ITGA2B: variants seen among roughly 807,000 people sequenced by gnomAD.
The protein encoded by ITGA2B is integrin alpha-IIb.
Under a neutral mutation model 142.0 loss-of-function variants are expected in ITGA2B, and 91 were observed. That is an observed-to-expected ratio of 0.64 (90% CI 0.54 to 0.76). The LOEUF is 0.76. ITGA2B is among the 30% of genes least tolerant of loss of function. The probability of loss-of-function intolerance (pLI) is 0.00; values close to 1 mark genes in which losing one functional copy is unlikely to be tolerated. For missense variants in ITGA2B, 1,231 were observed against 1,350.8 expected (o/e 0.91, Z 1.39); for synonymous variants, 536 against 567.2 (o/e 0.94, Z 0.78).
rs1439003159 is a variant in ITGA2B at position 44,375,679 on chromosome 17, A to G, written c.2639T>C (p.Ile880Thr). Residue 880 changes from isoleucine to threonine, a missense_variant, in exon 26 of 30, where the codon ATT (isoleucine) becomes ACT (threonine). Around this residue, in one of 3 missense-constraint regions of ITGA2B, gnomAD observed 908 missense variants for 1,021.1 expected, o/e 0.89. Coordinates refer to ENST00000262407, the MANE Select transcript of ITGA2B (RefSeq NM_000419.5). ...ATCCCGCTTGTGATGGGCCGGGTGA[A>G]TGGGGGAGGGGCTGGGGATGGGCAG... ...WGLPIPSPSP[I>T]HPAHHKRDRR... 6.3e-7 allele frequency: 1 copy of G among 1,591,538 alleles called. No individual in the cohort carries two copies. Among genetic ancestry groups the G allele is most frequent in the Admixed American group, 1.7e-5 (1 of 58,052 alleles).
At chr17:44,383,202 A>C (rs2048611450) in intron 12 of ITGA2B, among the ~76,000 whole-genome samples, 1 of 152,042 alleles carries the variant, frequency 6.6e-6, no homozygotes, top group South Asian at 2.1e-4. Flanking sequence ...CCAGTCTCCC[A>C]CCAAGTCCTA....
At position 44,389,389 on chromosome 17, in the gene ITGA2B, C is replaced by G. The variant is rs766193715; in HGVS notation, c.85G>C (p.Ala29Pro). 2 of 1,614,204 alleles carry G rather than the reference C, an allele frequency of 1.2e-6. No individual in the cohort carries two copies. The highest frequency in any genetic ancestry group is 3.3e-5 in the Admixed American group (2 of 60,024). The change falls in exon 1 of 30, where the codon GCC (alanine) becomes CCC (proline). Residue 29 changes from alanine (A) to proline (P), a missense_variant. Coordinates refer to ENST00000262407, the MANE Select transcript of ITGA2B (RefSeq NM_000419.5). ...LLLGPCAAPP[A>P]WALNLDPVQL... Reference sequence around the variant, plus strand: ...ACTGGGTCCAGGTTCAAGGCCCAGGCTGGAGGGGCAGCACAAGGTCCCAAG... The same window carrying G: ...ACTGGGTCCAGGTTCAAGGCCCAGGGTGGAGGGGCAGCACAAGGTCCCAAG...
intron 12 of ITGA2B, among the ~76,000 whole-genome samples, chr17:44,382,538 C>T (rs2143472300): frequency 6.6e-6 from 1 of 151,358 alleles, no homozygotes. Context: ...GAGATGGAGT[C>T]TTGCTCTGTC....
intron 18 of ITGA2B, 97 bp from the exon 19 acceptor site, chr17:44,378,807 A>T: frequency 9.7e-7 from 1 of 1,032,860 alleles, no homozygotes; most frequent in Middle Eastern, 2.0e-4. Flanking sequence ...GGGTTCACAT[A>T]GGGGCTTAGG....
Position 44,389,624 on chromosome 17 carries a change from C to G in ITGA2B, c.-151G>C. On this transcript the variant is annotated 5_prime_UTR_variant, in exon 1 of 30. It removes an upstream start codon present in the reference 5' UTR. Transcript: ENST00000262407. ...AGCAAAGGGCTATAGCCCCTGGACTCATGGTGGCTAGAATTGCCAGGAAGT... is the reference window on the plus strand; with the variant it reads ...AGCAAAGGGCTATAGCCCCTGGACTGATGGTGGCTAGAATTGCCAGGAAGT... 1 of 850,094 alleles carries G rather than the reference C, an allele frequency of 1.2e-6. No homozygotes were observed. Among genetic ancestry groups the G allele is most frequent in the Non-Finnish European group, 1.8e-6 (1 of 548,650 alleles). 52.7% of individuals were successfully genotyped at this position (850,094 alleles called of 1,614,324 possible).
intron 29 of ITGA2B, chr17:44,374,005 A>T: frequency 3.0e-6 from 1 of 330,142 alleles, no homozygotes. Context: ...TCCTGGGTTC[A>T]TGCAATTCTA....
chr17:44,380,865 G>A lies in ITGA2B; in HGVS notation c.1393+14C>T, dbSNP rs774808279. ...CTTTCTTGGGCATTTCTAGCTGGAG[G>A]CAGTCCAGGGCACCTGGGTATCCGT... is the stretch of plus-strand genomic sequence containing the variant. On this transcript the variant is annotated intron_variant, in intron 13 of 29. Coordinates refer to ENST00000262407, the MANE Select transcript of ITGA2B (RefSeq NM_000419.5). The A allele has an allele frequency of 6.2e-7, 1 of 1,614,136 alleles. No homozygotes were observed. Among genetic ancestry groups the A allele is most frequent in the Non-Finnish European group, 8.5e-7 (1 of 1,179,948 alleles).
At chr17:44,383,428 A>G in intron 12 of ITGA2B, 65 bp downstream of exon 12, 4 of 1,493,450 alleles carry the variant, frequency 2.7e-6, no homozygotes, top group Non-Finnish European at 3.6e-6. Flanking sequence ...CCCTCAGGCC[A>G]ACTCCATGCT....
At chr17:44,377,612 C>T in intron 21 of ITGA2B, 86 bp downstream of exon 21, 1 of 972,718 alleles carries the variant, frequency 1.0e-6, no homozygotes, top group Non-Finnish European at 1.6e-6. Context: ...TGGCCCAGAA[C>T]TATGTGGCTC....
rs1184669390 is a variant in ITGA2B, at chr17:44,375,959, C to T, written c.2475G>A (p.Val825=). ...YELHNNGPGT[V]NGLHLSIHLP... is the part of the protein sequence containing the mutation. ...GGTGGATGCTGAGGTGAAGACCATT[C>T]ACAGTCCCAGGGCCATTGTTGTGGA... The change falls in exon 25 of 30, where the codon GTG becomes GTA. Residue 825 remains valine, a synonymous_variant. Transcript: ENST00000262407. 2 of 1,613,970 alleles carry T rather than the reference C, an allele frequency of 1.2e-6. No individual in the cohort carries two copies. Among genetic ancestry groups the T allele is most frequent in the Admixed American group, 3.3e-5 (2 of 59,996 alleles).
intron 12 of ITGA2B, among the ~76,000 whole-genome samples, chr17:44,381,471 A>G (rs1160890632): frequency 6.6e-6 from 1 of 151,820 alleles, no homozygotes; most frequent in African/African-American, 2.4e-5. Context: ...CTGGGATTAC[A>G]GGCGCCTACC....
chr17:44,388,351 CTTTTTT>C (rs35720866), intron 1 of ITGA2B, among the ~76,000 whole-genome samples: 1 of 97,362 alleles, frequency 1.0e-5, no homozygotes, highest in Non-Finnish European at 1.9e-5. Flanking sequence ...CATTTCCTTT[CTTTTTT>C]TTTTTTTTTT....
intron 18 of ITGA2B, among the ~76,000 whole-genome samples, chr17:44,379,246 G>A (rs1263252135): frequency 3.5e-5 from 5 of 141,986 alleles, no homozygotes; most frequent in Non-Finnish European, 6.1e-5. Context: ...GAGCCACTGC[G>A]CCTGGCTTTT....
At chr17:44,381,738 A>G (rs766142861) in intron 12 of ITGA2B, among the ~76,000 whole-genome samples, 1 of 151,402 alleles carries the variant, frequency 6.6e-6, no homozygotes, top group African/African-American at 2.4e-5. Flanking sequence ...GACTAAAGCA[A>G]TCCTCCCACC....
rs1286456433 is a variant in ITGA2B, at chr17:44,376,382, G to A, written c.2274C>T (p.Asn758=). Residue 758 remains asparagine (N), a synonymous_variant, in exon 23 of 30, where the codon AAC becomes AAT. Coordinates refer to ENST00000262407, the MANE Select transcript of ITGA2B (RefSeq NM_000419.5). ...VSFQLQIRSK[N]SQNPNSKIVL... ...CAATCTTGCTGTTTGGATTCTGGCTGTTCTTGCTAGAGGGGAGGGGATGAG... is the reference window on the plus strand; with the variant it reads ...CAATCTTGCTGTTTGGATTCTGGCTATTCTTGCTAGAGGGGAGGGGATGAG... 6.2e-7 allele frequency: 1 copy of A among 1,614,176 alleles called. No homozygotes were observed. Among genetic ancestry groups the A allele is most frequent in the Non-Finnish European group, 8.5e-7 (1 of 1,180,026 alleles).
chr17:44,377,831 A>G lies in ITGA2B; in HGVS notation c.2095-41T>C, dbSNP rs755982433. 3.1e-6 allele frequency: 4 copies of G among 1,304,702 alleles called. No homozygotes were observed. The South Asian group carries it at 4.7e-5, about 15-fold the overall frequency. 80.8% of individuals were successfully genotyped at this position (1,304,702 alleles called of 1,614,324 possible). On this transcript the variant is annotated intron_variant, in intron 20 of 29. Coordinates refer to ENST00000262407, the MANE Select transcript of ITGA2B (RefSeq NM_000419.5). ...TCCAAGAAAGAAATTACAGAGCATC[A>G]TATATATATATTTAAGCTCCCTTGG...
At position 44,374,719 on chromosome 17, in the gene ITGA2B, G is replaced by A; in HGVS notation, c.2883C>T (p.Phe961=). The A allele has an allele frequency of 6.2e-7, 1 of 1,614,098 alleles. No homozygotes were observed. Among genetic ancestry groups the A allele is most frequent in the Non-Finnish European group, 8.5e-7 (1 of 1,180,022 alleles). ...DQFVLQSHAW[F]NVSSLPYAVP... ...CCGCATAGGGGAGGGAGGACACGTTGAACCATGCGTGCGACTGCAGCACAA... is the reference window on the plus strand; with the variant it reads ...CCGCATAGGGGAGGGAGGACACGTTAAACCATGCGTGCGACTGCAGCACAA... The change falls in exon 28 of 30, where the codon TTC becomes TTT. Residue 961 remains phenylalanine (F), a synonymous_variant. Transcript: ENST00000262407.
chr17:44,372,500 A>G, intron 29 of ITGA2B, 77 bp from the exon 30 acceptor site: 1 of 1,312,402 alleles, frequency 7.6e-7, no homozygotes, highest in Non-Finnish European at 1.1e-6. Context: ...GAAGTATGCT[A>G]GCTATGAGCA....
chr17:44,372,749 C>T (rs9902670), intron 29 of ITGA2B, among the ~76,000 whole-genome samples: 3,419 of 152,040 alleles, frequency 0.022, 126 homozygotes, highest in African/African-American at 0.078. Context: ...ATGCCTCAGC[C>T]TCCCGAGTAG....
Sources: gnomAD v4.1 joint callset for allele counts (sites outside exome capture counted in the v4.1 genomes callset) on GRCh38, gnomAD v4.1.1 for gene constraint, gnomAD v4.1.1 regional missense constraint, MANE v1.5 for transcripts, NCBI Gene and HGNC (gene_info 2026-07-23, HGNC 2026-07-21) for gene names.